The following STARD4 variants were observed in gnomAD, a reference collection of about 807,000 sequenced individuals.
STARD4 encodes the protein stAR-related lipid transfer protein 4.
In STARD4, 33 loss-of-function variants were observed where a neutral mutation model predicts 24.9. The observed-to-expected ratio is 1.32, with a 90% confidence interval of 1.00 to 1.77. The LOEUF (loss-of-function observed/expected upper bound fraction) is 1.77. Among genes scored for constraint, STARD4 ranks in the 40% most tolerant of loss-of-function variants. The pLI is 0.00. For missense variants in STARD4, 238 were observed against 249.3 expected, an observed-to-expected ratio of 0.95 and a Z score of 0.31; for synonymous variants, 88 against 77.4, an observed-to-expected ratio of 1.14 and a Z score of -0.72.
intron 1 of STARD4, among the ~76,000 whole-genome samples, chr5:111,510,701 C>T (rs1320550791): frequency 6.6e-6 from 1 of 152,140 alleles, no homozygotes; most frequent in Admixed American, 6.5e-5. Flanking sequence ...ATAGTGGCTG[C>T]CATCATAGGG....
rs1430014856 is a variant in STARD4, at chr5:111,507,397, T to A, written c.37A>T (p.Lys13Ter). ...GLSDVASFAT[K>*]LKNTLIQYHS... Reference sequence around the variant, plus strand: ...TACTGGATGAGAGTGTTTTTAAGTTTAGTTGCAAAAGAAGCAACATCAGAC... The same window carrying A: ...TACTGGATGAGAGTGTTTTTAAGTTAAGTTGCAAAAGAAGCAACATCAGAC... The change falls in exon 2 of 6, where the codon AAA becomes TAA. Residue 13 changes from lysine to a stop codon, truncating the protein, a stop_gained. Coordinates refer to ENST00000296632, the MANE Select transcript of STARD4 (RefSeq NM_139164.3). LOFTEE classifies it high-confidence loss of function. The surrounding 1 kb of genome is among the most constrained non-coding windows in gnomAD (Gnocchi z 4.4). 1 of 1,613,688 alleles carries A rather than the reference T, an allele frequency of 6.2e-7. No individual in the cohort carries two copies. Among genetic ancestry groups the A allele is most frequent in the East Asian group, 2.2e-5 (1 of 44,830 alleles).
In STARD4 at chr5:111,496,640, C is replaced by T. The variant is rs1000735976; in HGVS notation, c.*3246G>A. On this transcript the variant is annotated 3_prime_UTR_variant, in exon 6 of 6. Transcript: ENST00000296632. ...AGGGCTTAAATTATACAATGTTTTCCCATCTTCTCCAGATACAACCTCAAT... is the reference window on the plus strand; with the variant it reads ...AGGGCTTAAATTATACAATGTTTTCTCATCTTCTCCAGATACAACCTCAAT... 2 of 151,994 alleles carry T rather than the reference C, an allele frequency of 1.3e-5. No homozygotes were observed. The highest frequency in any genetic ancestry group is 6.6e-5 in the Admixed American group (1 of 15,236). The allele number at this position is 151,994 out of a possible 1,614,324, so 9.4% of individuals were successfully genotyped here. A position where few individuals can be genotyped will look rare whatever the true frequency, so the allele number is the denominator to read the frequency against.
chr5:111,507,198 T>A lies in STARD4; in HGVS notation c.105+131A>T. 1 of 687,420 alleles carries A rather than the reference T, an allele frequency of 1.5e-6. No homozygotes were observed. The highest frequency in any genetic ancestry group is 2.4e-6 in the Non-Finnish European group (1 of 418,046). 42.6% of individuals were successfully genotyped at this position (687,420 alleles called of 1,614,324 possible). Reference sequence around the variant, plus strand: ...ACATTAGACTATCAACTTTATTAGCTCAATTATTTTTCTTGCATATCCATC... The same window carrying A: ...ACATTAGACTATCAACTTTATTAGCACAATTATTTTTCTTGCATATCCATC... On this transcript the variant is annotated intron_variant, in intron 2 of 5. Coordinates refer to ENST00000296632, the MANE Select transcript of STARD4 (RefSeq NM_139164.3). The surrounding 1 kb of genome is among the most constrained non-coding windows in gnomAD (Gnocchi z 4.4).
chr5:111,499,671 A>AAG lies in STARD4; in HGVS notation c.*214_*215insCT. ...GCCCTCCAGCATGGGCAACAGAGTG[A>AAG]GAGCCTGTCTCAAAATTTAAAAAAA... On this transcript the variant is annotated 3_prime_UTR_variant, in exon 6 of 6. Transcript: ENST00000296632. The AAG allele has an allele frequency of 1.8e-6, 1 of 545,914 alleles. No individual in the cohort carries two copies. The highest frequency in any genetic ancestry group is 3.3e-6 in the Non-Finnish European group (1 of 306,858). The allele number at this position is 545,914 out of a possible 1,614,324, so 33.8% of individuals were successfully genotyped here. A position where few individuals can be genotyped will look rare whatever the true frequency, so the allele number is the denominator to read the frequency against.
At chr5:111,502,851 T>A (rs577401449) in intron 3 of STARD4, among the ~76,000 whole-genome samples, 1 of 151,022 alleles carries the variant, frequency 6.6e-6, no homozygotes, top group Non-Finnish European at 1.5e-5. Flanking sequence ...TAAATCCCAA[T>A]AACTTTTCTG....
In STARD4 at chr5:111,499,682, C is replaced by G. The variant is rs766960020; in HGVS notation, c.*204G>C. ...TGGGCAACAGAGTGAGAGCCTGTCT[C>G]AAAATTTAAAAAAAAAAAAGTGAAA... On this transcript the variant is annotated 3_prime_UTR_variant, in exon 6 of 6. Transcript: ENST00000296632. 3 of 566,304 alleles carry G rather than the reference C, an allele frequency of 5.3e-6. No individual in the cohort carries two copies. The highest frequency in any genetic ancestry group is 9.3e-6 in the Non-Finnish European group (3 of 322,628). 35.1% of individuals were successfully genotyped at this position (566,304 alleles called of 1,614,324 possible). A position where few individuals can be genotyped will look rare whatever the true frequency, so the allele number is the denominator to read the frequency against.
At position 111,506,669 on chromosome 5, in the gene STARD4, A is replaced by G. The variant is rs536404608; in HGVS notation, c.106-290T>C. Among the ~76,000 whole-genome samples the G allele has an allele frequency of 1.0e-3, 156 of 152,348 alleles. 1 individual carries two copies. The highest frequency in any genetic ancestry group is 1.9e-3 in the Non-Finnish European group (128 of 68,024). ...TCAATGATGGCACTATCTTAGTCCA[A>G]TCTTATCTATTTACCATTACTGATG... On this transcript the variant is annotated intron_variant, in intron 2 of 5. Coordinates refer to ENST00000296632, the MANE Select transcript of STARD4 (RefSeq NM_139164.3).
In STARD4 at chr5:111,498,958, G is replaced by A. The variant is rs1212359962; in HGVS notation, c.*928C>T. Reference sequence around the variant, plus strand: ...CACTTGAAACACTATGTACCTTTCTGCATTTCATGTCTTGTTTAGCATGTA... The same window carrying A: ...CACTTGAAACACTATGTACCTTTCTACATTTCATGTCTTGTTTAGCATGTA... On this transcript the variant is annotated 3_prime_UTR_variant, in exon 6 of 6. Transcript: ENST00000296632. 1 of 152,116 alleles carries A rather than the reference G, an allele frequency of 6.6e-6. No individual in the cohort carries two copies. Among genetic ancestry groups the A allele is most frequent in the African/African-American group, 2.4e-5 (1 of 41,422 alleles). The allele number at this position is 152,116 out of a possible 1,614,324, so 9.4% of individuals were successfully genotyped here.
chr5:111,511,987 T>C (rs1346575666), intron 1 of STARD4, among the ~76,000 whole-genome samples: 3 of 152,162 alleles, frequency 2.0e-5, no homozygotes, highest in African/African-American at 7.2e-5. Context: ...TCTGTGCACC[T>C]CCTAAGAACC....
rs1756185535 is a variant in STARD4, at chr5:111,497,895, G to A, written c.*1991C>T. 1 of 151,884 alleles carries A rather than the reference G, an allele frequency of 6.6e-6. No homozygotes were observed. The allele number at this position is 151,884 out of a possible 1,614,324, so 9.4% of individuals were successfully genotyped here. A position where few individuals can be genotyped will look rare whatever the true frequency, so the allele number is the denominator to read the frequency against. ...AACATAACCTGCTGTAATTATCCTG[G>A]CAACAGTGATAAACTTTAGATTTGT... On this transcript the variant is annotated 3_prime_UTR_variant, in exon 6 of 6. Coordinates refer to ENST00000296632, the MANE Select transcript of STARD4 (RefSeq NM_139164.3).
rs1465122807 is a variant in STARD4 at position 111,499,479 on chromosome 5, A to C, written c.*407T>G. ...GGGAATGACTTGAGGCCAGGAGTTC[A>C]AGACCAGCCTGGGCAACACAGTGTG... On this transcript the variant is annotated 3_prime_UTR_variant, in exon 6 of 6. Coordinates refer to ENST00000296632, the MANE Select transcript of STARD4 (RefSeq NM_139164.3). The C allele has an allele frequency of 1.9e-5, 3 of 156,010 alleles. No homozygotes were observed. Among genetic ancestry groups the C allele is most frequent in the African/African-American group, 7.2e-5 (3 of 41,470 alleles). The allele number at this position is 156,010 out of a possible 1,614,324, so 9.7% of individuals were successfully genotyped here.
chr5:111,511,166 A>C (rs152878), intron 1 of STARD4, among the ~76,000 whole-genome samples: 24,969 of 152,120 alleles, frequency 0.16, 2,132 homozygotes, highest in African/African-American at 0.19. Flanking sequence ...GCAGCTTCTC[A>C]TTTTTTGAGA....
At chr5:111,511,479 T>A (rs547178491) in intron 1 of STARD4, among the ~76,000 whole-genome samples, 84 of 152,336 alleles carry the variant, frequency 5.5e-4, no homozygotes, top group Non-Finnish European at 1.0e-3. Flanking sequence ...ATTCAGAAGC[T>A]CTAGGATTGG....
intron 4 of STARD4, 126 bp downstream of exon 4, chr5:111,501,836 G>A (rs758213287): frequency 3.2e-5 from 42 of 1,309,888 alleles, no homozygotes; most frequent in African/African-American, 1.0e-4. Flanking sequence ...TATCTTTGTC[G>A]TGACTGCTAT....
rs1429726384 is a variant in STARD4 at position 111,501,922 on chromosome 5, C to A, written c.282+40G>T. On this transcript the variant is annotated intron_variant, in intron 4 of 5. Coordinates refer to ENST00000296632, the MANE Select transcript of STARD4 (RefSeq NM_139164.3). ...TGGCTCACTCATGCCCTCCCTCATGCACATACACACAGTCTAAAGTAATGT... is the reference window on the plus strand; with the variant it reads ...TGGCTCACTCATGCCCTCCCTCATGAACATACACACAGTCTAAAGTAATGT... 5 of 1,610,818 alleles carry A rather than the reference C, an allele frequency of 3.1e-6. No homozygotes were observed. The East Asian group carries it at 1.1e-4, about 36-fold the overall frequency.
intron 1 of STARD4, 143 bp downstream of exon 1, chr5:111,512,242 C>A (rs1008954628): frequency 2.6e-5 from 4 of 152,556 alleles, no homozygotes; most frequent in Admixed American, 6.5e-5. Context: ...CGGGGCCCGC[C>A]ATCCCCAACG....
At chr5:111,506,410 AT>A (rs779030561) in intron 2 of STARD4, 31 bp from the exon 3 acceptor site, 8 of 1,137,822 alleles carry the variant, frequency 7.0e-6, no homozygotes, top group Non-Finnish European at 1.0e-5. Context: ...TATGGTAATA[AT>A]TGCATAGGTG....
intron 3 of STARD4, among the ~76,000 whole-genome samples, chr5:111,502,306 TAAAATTACA>T (rs1756515609): frequency 6.6e-6 from 1 of 151,880 alleles, no homozygotes; most frequent in Non-Finnish European, 1.5e-5. Context: ...CTGTCTCTAC[TAAAATTACA>T]AAAATTAGCC....
rs375570510 is a variant in STARD4 at position 111,500,214 on chromosome 5, TA to T, written c.398-109del. 21 of 1,384,670 alleles carry T rather than the reference TA, an allele frequency of 1.5e-5. No individual in the cohort carries two copies. In the African/African-American group the frequency reaches 1.6e-4, roughly 11 times the overall value. The allele number at this position is 1,384,670 out of a possible 1,614,324, so 85.8% of individuals were successfully genotyped here. ...ATTTAAATATTTATTATTATCCATA[TA>T]GATGAAAATTAAATCCCAAAGTGAC... On this transcript the variant is annotated intron_variant, in intron 5 of 5. Coordinates refer to ENST00000296632, the MANE Select transcript of STARD4 (RefSeq NM_139164.3).
Sources: gnomAD v4.1 joint callset for allele counts (sites outside exome capture counted in the v4.1 genomes callset) on GRCh38, gnomAD v4.1.1 for gene constraint, Gnocchi (gnomAD v3.1) non-coding constraint, MANE v1.5 for transcripts, NCBI Gene and HGNC (gene_info 2026-07-23, HGNC 2026-07-21) for gene names.